GRIA4: variants seen among roughly 807,000 people sequenced by gnomAD.
GRIA4 encodes glutamate ionotropic receptor AMPA type subunit 4, also known as glutamate receptor 4.
Under a neutral mutation model 104.0 loss-of-function variants are expected in GRIA4, and 34 were observed. The observed-to-expected ratio is 0.33, with a 90% CI of 0.25 to 0.44. The LOEUF (loss-of-function observed/expected upper bound fraction) is 0.44. GRIA4 is among the 20% of genes least tolerant of loss of function. The pLI is 1.00. For missense variants in GRIA4, 750 were observed against 1,096.5 expected (o/e 0.68, Z 4.46); for synonymous variants, 386 against 381.9 (o/e 1.01, Z -0.13).
chr11:105,614,613 G>T (rs991218794), intron 3 of GRIA4, among the ~76,000 whole-genome samples: 2 of 151,898 alleles, frequency 1.3e-5, no homozygotes, highest in Admixed American at 1.3e-4. Context: ...TCTAATATTT[G>T]TTATAATCAC....
rs376113650 is a variant in GRIA4 at position 105,664,442 on chromosome 11, T to C, written c.247+52008T>C. Among the ~76,000 whole-genome samples, 82 of 150,884 alleles carry C rather than the reference T, an allele frequency of 5.4e-4. No homozygotes were observed. The South Asian group carries it at 0.016, about 30-fold the overall frequency. ...AAACAGACTTTGAAAATCAGAATAA[T>C]GTGTTTGATTTATATCCCAAATCGG... On this transcript the variant is annotated intron_variant, in intron 3 of 16. Transcript: ENST00000282499.
At chr11:105,705,959 T>C (rs1953682746) in intron 3 of GRIA4, among the ~76,000 whole-genome samples, 1 of 152,218 alleles carries the variant, frequency 6.6e-6, no homozygotes, top group African/African-American at 2.4e-5. Context: ...ATTGCAGCAC[T>C]GTTTGTAATT....
chr11:105,762,786 A>G (rs1000656253), intron 4 of GRIA4, among the ~76,000 whole-genome samples: 3 of 152,184 alleles, frequency 2.0e-5, no homozygotes, highest in African/African-American at 4.8e-5. Context: ...CTCTTCTGCC[A>G]TGATTGTGAG....
At chr11:105,689,792 C>T (rs1953020669) in intron 3 of GRIA4, among the ~76,000 whole-genome samples, 2 of 152,200 alleles carry the variant, frequency 1.3e-5, no homozygotes, top group African/African-American at 2.4e-5. Context: ...AATACAATGC[C>T]TCTGGTGCAG....
intron 4 of GRIA4, among the ~76,000 whole-genome samples, chr11:105,848,918 A>G (rs910179275): frequency 6.6e-6 from 1 of 152,112 alleles, no homozygotes; most frequent in African/African-American, 2.4e-5. Flanking sequence ...ACCTGGCAGG[A>G]AAGGAATCAT....
rs193019332 is a variant in GRIA4 at position 105,620,358 on chromosome 11, G to A, written c.247+7924G>A. 5.0e-3 allele frequency among the ~76,000 whole-genome samples: 756 copies of A among 151,850 alleles called. 6 individuals are homozygous for A. Among genetic ancestry groups the A allele is most frequent in the Non-Finnish European group, 6.1e-3 (416 of 67,822 alleles). On this transcript the variant is annotated intron_variant, in intron 3 of 16. Transcript: ENST00000282499. ...TTATTATTTTATAGGTGAAGAACCT[G>A]AAGATTTGCATAGCTTAGAAAATTT... is the stretch of plus-strand genomic sequence containing the variant.
At chr11:105,671,764 T>C (rs759107264) in intron 3 of GRIA4, among the ~76,000 whole-genome samples, 16 of 149,142 alleles carry the variant, frequency 1.1e-4, no homozygotes, top group Admixed American at 2.7e-4. Flanking sequence ...TACAAGATAA[T>C]CATTTACTCT....
At chr11:105,898,155 C>T in intron 6 of GRIA4, 114 bp from the exon 7 acceptor site, 1 of 468,146 alleles carries the variant, frequency 2.1e-6, no homozygotes, top group Non-Finnish European at 3.8e-6. Context: ...CATTTTTAGC[C>T]ATTGCTTTAT....
At chr11:105,701,546 A>G (rs1953492314) in intron 3 of GRIA4, among the ~76,000 whole-genome samples, 1 of 152,048 alleles carries the variant, frequency 6.6e-6, no homozygotes, top group Non-Finnish European at 1.5e-5. Context: ...CAATTCCATT[A>G]TAGGAGAGAG....
At chr11:105,968,245 G>A (rs921862106) in intron 14 of GRIA4, among the ~76,000 whole-genome samples, 3 of 152,204 alleles carry the variant, frequency 2.0e-5, no homozygotes, top group African/African-American at 7.2e-5. Flanking sequence ...CTGTGAGAGA[G>A]CTGACTCACT....
intron 4 of GRIA4, among the ~76,000 whole-genome samples, chr11:105,831,091 T>C (rs1435080561): frequency 6.6e-6 from 1 of 152,070 alleles, no homozygotes; most frequent in Non-Finnish European, 1.5e-5. Flanking sequence ...TGAGTAGTTC[T>C]GCTCCTGTGA....
At chr11:105,633,286 G>T (rs148386645) in intron 3 of GRIA4, among the ~76,000 whole-genome samples, 39 of 152,308 alleles carry the variant, frequency 2.6e-4, no homozygotes, top group African/African-American at 9.4e-4. Context: ...GCATTTCTTA[G>T]AAGATTTATA....
chr11:105,955,343 C>T (rs1462730155), intron 14 of GRIA4, among the ~76,000 whole-genome samples: 1 of 152,086 alleles, frequency 6.6e-6, no homozygotes, highest in African/African-American at 2.4e-5. Context: ...CAATGTTCAA[C>T]TCCCACTTAT....
chr11:105,805,910 C>T (rs1297083783), intron 4 of GRIA4, among the ~76,000 whole-genome samples: 2 of 151,780 alleles, frequency 1.3e-5, no homozygotes, highest in Admixed American at 6.6e-5. Flanking sequence ...GACTCAAGAT[C>T]CCATTTAATC....
At chr11:105,747,277 G>C (rs978562150) in intron 3 of GRIA4, among the ~76,000 whole-genome samples, 1 of 152,066 alleles carries the variant, frequency 6.6e-6, no homozygotes, top group African/African-American at 2.4e-5. Flanking sequence ...CACAAATAGA[G>C]CTTTGCTGAA....
chr11:105,828,986 T>G (rs1362432461), intron 4 of GRIA4, among the ~76,000 whole-genome samples: 2 of 151,882 alleles, frequency 1.3e-5, no homozygotes, highest in Non-Finnish European at 2.9e-5. Context: ...AGAGGAGAGA[T>G]AGAGTTCCCA....
chr11:105,680,806 G>T (rs1952685425), intron 3 of GRIA4, among the ~76,000 whole-genome samples: 1 of 152,096 alleles, frequency 6.6e-6, no homozygotes, highest in African/African-American at 2.4e-5. Flanking sequence ...CTATCACCTT[G>T]TCCTATTTTA....
chr11:105,824,552 C>G (rs1943695366), intron 4 of GRIA4: 1 of 152,034 alleles, frequency 6.6e-6, no homozygotes. Flanking sequence ...TATAGTTGAG[C>G]CATGTAGAAC....
At position 105,752,968 on chromosome 11, in the gene GRIA4, C is replaced by T. The variant is rs779086074; in HGVS notation, c.248-13C>T. 2 of 1,608,118 alleles carry T rather than the reference C, an allele frequency of 1.2e-6. No individual in the cohort carries two copies. Among genetic ancestry groups the T allele is most frequent in the East Asian group, 4.5e-5 (2 of 44,744 alleles). On this transcript the variant is annotated splice_polypyrimidine_tract_variant and intron_variant, in intron 3 of 16. Coordinates refer to ENST00000282499, the MANE Select transcript of GRIA4 (RefSeq NM_000829.4). ...TGCTAATAGTTTGTGGTGTTTTCTT[C>T]CTCTTGTTTCAGTCTGTTCCCAGTA...
Sources: allele counts gnomAD v4.1 joint callset (sites outside exome capture counted in the v4.1 genomes callset), GRCh38; gene constraint gnomAD v4.1.1; transcripts MANE v1.5; gene names NCBI Gene and HGNC (gene_info 2026-07-23, HGNC 2026-07-21).